Variants in DMD observed in about 807,000 individuals in gnomAD.
DMD encodes the protein mutant dystrophin.
Under a neutral mutation model 330.1 loss-of-function variants are expected in DMD, and 63 were observed. The observed-to-expected ratio is 0.19, with a 90% confidence interval of 0.16 to 0.24. The LOEUF is 0.24. Among genes scored for constraint, DMD ranks in the 10% least tolerant of loss-of-function variants. The probability of loss-of-function intolerance (pLI) is 1.00; values close to 1 mark genes in which losing one functional copy is unlikely to be tolerated. For synonymous variants in DMD, 1,223 were observed against 959.8 expected, an observed-to-expected ratio of 1.27 and a Z score of -5.07; for missense variants, 3,344 against 2,684.1, an observed-to-expected ratio of 1.25 and a Z score of -5.43.
intron 44 of DMD, among the ~76,000 whole-genome samples, chrX:32,080,967 T>G (rs2096387366): frequency 8.9e-6 from 1 of 111,984 alleles, no homozygotes; most frequent in Non-Finnish European, 1.9e-5. Flanking sequence ...AGTATCCACA[T>G]AGGCCACATA....
At chrX:32,843,066 C>T (rs1056741673) in intron 4 of DMD, among the ~76,000 whole-genome samples, 7 of 112,022 alleles carry the variant, frequency 6.2e-5, no homozygotes, top group African/African-American at 2.3e-4. Context: ...CCTCGGCCTC[C>T]CACAGTGCTG....
chrX:33,061,342 A>G (rs1297639927), intron 1 of DMD, among the ~76,000 whole-genome samples: 3 of 112,250 alleles, frequency 2.7e-5, no homozygotes, highest in African/African-American at 9.7e-5. Context: ...TTTTATACAC[A>G]GATCATAGTA....
At chrX:32,015,686 C>A (rs924187220) in intron 44 of DMD, among the ~76,000 whole-genome samples, 3 of 111,867 alleles carry the variant, frequency 2.7e-5, no homozygotes, top group African/African-American at 9.8e-5. Flanking sequence ...ATAGCAGCTT[C>A]CACGGATTGC....
intron 2 of DMD, among the ~76,000 whole-genome samples, chrX:32,968,146 G>A (rs886518721): frequency 1.8e-5 from 2 of 111,965 alleles, no homozygotes; most frequent in African/African-American, 6.5e-5. Context: ...ATAAATGACT[G>A]TGTGCATTGC....
chrX:32,696,765 G>T (rs901793799), intron 9 of DMD, among the ~76,000 whole-genome samples: 6 of 111,158 alleles, frequency 5.4e-5, no homozygotes, highest in African/African-American at 1.3e-4. Flanking sequence ...TTAAGTCTTG[G>T]TGATTTCAAC....
intron 11 of DMD, among the ~76,000 whole-genome samples, chrX:32,635,531 A>G (rs1017281803): frequency 1.1e-4 from 12 of 112,221 alleles, no homozygotes; most frequent in Non-Finnish European, 2.1e-4. Context: ...CATTAAATAT[A>G]GGAATCAGAA....
chrX:31,683,438 T>C (rs1217419189), intron 52 of DMD, among the ~76,000 whole-genome samples: 1 of 112,392 alleles, frequency 8.9e-6, no homozygotes, highest in Non-Finnish European at 1.9e-5. Context: ...ACCTATTCAC[T>C]GGGAGGTTGT....
intron 44 of DMD, chrX:32,101,922 T>G: frequency 9.0e-6 from 1 of 111,298 alleles, no homozygotes. Flanking sequence ...GGTTAATGGG[T>G]TATCATGGGA....
chrX:32,836,779 T>C, intron 4 of DMD, among the ~76,000 whole-genome samples: 1 of 112,358 alleles, frequency 8.9e-6, no homozygotes, highest in East Asian at 2.8e-4. Flanking sequence ...TATTATTAGT[T>C]TCTACTGTTA....
At chrX:32,226,240 T>C (rs2097147394) in intron 43 of DMD, among the ~76,000 whole-genome samples, 2 of 111,975 alleles carry the variant, frequency 1.8e-5, no homozygotes, top group Middle Eastern at 4.6e-3. Context: ...TAGCCCACCA[T>C]GTATACTGTA....
intron 2 of DMD, among the ~76,000 whole-genome samples, chrX:32,871,618 A>T (rs1282970356): frequency 9.0e-6 from 1 of 111,670 alleles, no homozygotes; most frequent in Non-Finnish European, 1.9e-5. Context: ...CTCGTAAATA[A>T]GAGCTGGGAA....
chrX:32,941,367 A>T (rs1345277939), intron 2 of DMD, among the ~76,000 whole-genome samples: 1 of 112,229 alleles, frequency 8.9e-6, no homozygotes, highest in Non-Finnish European at 1.9e-5. Flanking sequence ...TCATCACAGC[A>T]CTATTCACAA....
chrX:32,996,527 C>G (rs2093123990), intron 2 of DMD, among the ~76,000 whole-genome samples: 1 of 111,677 alleles, frequency 9.0e-6, no homozygotes, highest in Non-Finnish European at 1.9e-5. Flanking sequence ...CAAAATATGT[C>G]AAGAAAGCAG....
rs140963509 is a variant in DMD, at chrX:32,854,255, C to T, written c.94-4435G>A. ...GCTGCAGAGTGTACATTCCTCTCAT[C>T]ACCACATGGAGGATTCTCAAGGATG... On this transcript the variant is annotated intron_variant, in intron 2 of 78. Transcript: ENST00000357033. 1.1e-3 allele frequency among the ~76,000 whole-genome samples: 126 copies of T among 111,518 alleles called. 3 individuals carry two copies. The East Asian group carries it at 0.02, about 18-fold the overall frequency.
intron 34 of DMD, among the ~76,000 whole-genome samples, chrX:32,373,219 A>C (rs1028600373): frequency 4.5e-5 from 5 of 109,969 alleles, no homozygotes; most frequent in Non-Finnish European, 9.5e-5. Context: ...AGCAGGAAGA[A>C]AACTTAGATG....
intron 54 of DMD, among the ~76,000 whole-genome samples, chrX:31,634,590 T>C (rs1252991216): frequency 9.0e-6 from 1 of 111,697 alleles, no homozygotes; most frequent in African/African-American, 3.2e-5. Context: ...AGACTTTAGA[T>C]AGTAAGAGAG....
chrX:33,079,769 T>C, intron 1 of DMD, among the ~76,000 whole-genome samples: 2 of 111,584 alleles, frequency 1.8e-5, no homozygotes, highest in Middle Eastern at 9.2e-3. Flanking sequence ...TCACCATAAG[T>C]CATTCATTTG....
At chrX:33,026,353 A>G (rs2094004342) in intron 1 of DMD, among the ~76,000 whole-genome samples, 2 of 102,749 alleles carry the variant, frequency 1.9e-5, no homozygotes, top group African/African-American at 7.3e-5. Flanking sequence ...AAAAAGAAAG[A>G]AAAGAAAATA....
chrX:31,550,943 G>A (rs1486414374), intron 55 of DMD, among the ~76,000 whole-genome samples: 2 of 111,978 alleles, frequency 1.8e-5, no homozygotes, highest in Non-Finnish European at 3.8e-5. Flanking sequence ...GACTTTGGGA[G>A]GCCAAGGCGG....
Sources: gnomAD v4.1 joint callset for allele counts (sites outside exome capture counted in the v4.1 genomes callset) on GRCh38, gnomAD v4.1.1 for gene constraint, MANE v1.5 for transcripts, NCBI Gene and HGNC (gene_info 2026-07-23, HGNC 2026-07-21) for gene names.